The following PIAS1 variants were observed in gnomAD, a reference collection of about 807,000 sequenced individuals.
PIAS1 encodes protein inhibitor of activated STAT 1.
A neutral mutation model predicts 71.3 loss-of-function variants in PIAS1; 6 were observed. That is an observed-to-expected ratio of 0.08 (90% CI 0.05 to 0.17). The LOEUF is 0.17. Ranked by LOEUF, PIAS1 falls within the 10% of genes least tolerant of loss-of-function variation. PIAS1 has a pLI of 1.00. For missense variants in PIAS1, 555 were observed against 793.6 expected (o/e 0.70, Z 3.61); for synonymous variants, 303 against 292.9 (o/e 1.03, Z -0.35).
In PIAS1 at chr15:68,086,211, TAA is replaced by T; in HGVS notation, c.25-93_25-92del. On this transcript the variant is annotated intron_variant, in intron 1 of 13. Coordinates refer to ENST00000249636, the MANE Select transcript of PIAS1 (RefSeq NM_016166.3). This position sits in a 1 kb window ranked among gnomAD's most constrained non-coding sequence, Gnocchi z 7.2. Reference sequence around the variant, plus strand: ...GTGAGCTGGCCTTTATTTGCTTAAGTAAACCATAAGAAGGGGGTTATAATAAA... The same window carrying T: ...GTGAGCTGGCCTTTATTTGCTTAAGTACCATAAGAAGGGGGTTATAATAAA... 4.7e-6 allele frequency: 4 copies of T among 844,108 alleles called. No homozygotes were observed. In the South Asian group the frequency reaches 5.9e-5, roughly 12 times the overall value. 52.3% of individuals were successfully genotyped at this position (844,108 alleles called of 1,614,324 possible).
intron 2 of PIAS1, among the ~76,000 whole-genome samples, chr15:68,133,435 T>A (rs1339554913): frequency 6.6e-6 from 1 of 151,512 alleles, no homozygotes; most frequent in Non-Finnish European, 1.5e-5. Context: ...CTAGATGAAT[T>A]AAAAAAAATG....
Position 68,066,954 on chromosome 15 carries a change from T to TC in PIAS1, c.24+12607dup, listed in dbSNP as rs35108905. ...GAGTAGGTCTGGTCTGTCCATTTTT[T>TC]CCCGAGAGGAATTCTATAATCTCTT... On this transcript the variant is annotated intron_variant, in intron 1 of 13. Transcript: ENST00000249636. 3.0e-4 allele frequency among the ~76,000 whole-genome samples: 45 copies of TC among 152,334 alleles called. 1 individual carries two copies. The South Asian group carries it at 8.7e-3, about 29-fold the overall frequency.
Position 68,181,262 on chromosome 15 carries a change from T to C in PIAS1, c.1532T>C (p.Leu511Pro), listed in dbSNP as rs781484386. ...TCTCCAGTATCCCGCACCCCAAGCC[T>C]TCCTGCTGTAGACACAAGCTACATT... ...QASPVSRTPS[L>P]PAVDTSYINT... is the part of the protein sequence containing the mutation. The change falls in exon 12 of 14, where the codon CTT becomes CCT. Residue 511 changes from leucine (L) to proline (P), a missense_variant. Coordinates refer to ENST00000249636, the MANE Select transcript of PIAS1 (RefSeq NM_016166.3). 6.2e-7 allele frequency: 1 copy of C among 1,613,632 alleles called. No individual in the cohort carries two copies. The highest frequency in any genetic ancestry group is 1.1e-5 in the South Asian group (1 of 91,048).
intron 2 of PIAS1, among the ~76,000 whole-genome samples, chr15:68,140,657 TTAA>T (rs1477397816): frequency 1.3e-5 from 2 of 152,234 alleles, no homozygotes; most frequent in African/African-American, 2.4e-5. Context: ...TTTCTTTCTC[TTAA>T]TGATACGTTT....
intron 11 of PIAS1, among the ~76,000 whole-genome samples, chr15:68,180,618 A>G (rs1023540007): frequency 7.9e-5 from 12 of 151,594 alleles, no homozygotes; most frequent in Non-Finnish European, 1.3e-4. Context: ...GTTTCACTAC[A>G]TTAGATTCAG....
rs1458952972 is a variant in PIAS1 at position 68,054,972 on chromosome 15, A to G, written c.24+622A>G. The G allele has an allele frequency of 6.6e-6, 1 of 152,176 alleles. No homozygotes were observed. The highest frequency in any genetic ancestry group is 1.5e-5 in the Non-Finnish European group (1 of 68,188). The allele number at this position is 152,176 out of a possible 1,614,324, so 9.4% of individuals were successfully genotyped here. A position where few individuals can be genotyped will look rare whatever the true frequency, so the allele number is the denominator to read the frequency against. On this transcript the variant is annotated intron_variant, in intron 1 of 13. Transcript: ENST00000249636. This position sits in a 1 kb window ranked among gnomAD's most constrained non-coding sequence, Gnocchi z 4.6. ...GCGATAGGGTGGGGATCTGGGGGAG[A>G]AGCTCTGGTAAAGTTTAGCGAGCCC...
intron 1 of PIAS1, among the ~76,000 whole-genome samples, chr15:68,083,960 C>T (rs896450412): frequency 1.3e-5 from 2 of 152,096 alleles, no homozygotes; most frequent in South Asian, 4.1e-4. Context: ...GCTGCTGCTA[C>T]TCTTTGTTTC....
At chr15:68,130,767 T>C (rs1363085696) in intron 2 of PIAS1, among the ~76,000 whole-genome samples, 2 of 151,842 alleles carry the variant, frequency 1.3e-5, no homozygotes, top group Non-Finnish European at 2.9e-5. Context: ...ATTGGAGGAA[T>C]AATAAGATTT....
intron 2 of PIAS1, among the ~76,000 whole-genome samples, chr15:68,098,819 A>G (rs1484958259): frequency 1.3e-5 from 2 of 152,154 alleles, no homozygotes; most frequent in Non-Finnish European, 2.9e-5. Context: ...TTGCTGTTGA[A>G]AACATTGCTG....
intron 2 of PIAS1, among the ~76,000 whole-genome samples, chr15:68,095,206 C>G (rs1403583449): frequency 6.6e-6 from 1 of 151,950 alleles, no homozygotes; most frequent in Non-Finnish European, 1.5e-5. Flanking sequence ...CATTTAAGAT[C>G]TTACTGGGAT....
intron 1 of PIAS1, among the ~76,000 whole-genome samples, chr15:68,076,082 C>T (rs1273734775): frequency 6.6e-6 from 1 of 152,110 alleles, no homozygotes; most frequent in African/African-American, 2.4e-5. Flanking sequence ...CCGCTCCTGG[C>T]CACCTAGGGC....
intron 7 of PIAS1, among the ~76,000 whole-genome samples, chr15:68,160,318 T>C (rs189678450): frequency 7.9e-4 from 120 of 152,284 alleles, no homozygotes; most frequent in African/African-American, 2.8e-3. Context: ...ATTCATTTTT[T>C]CCCCCACATA....
chr15:68,112,377 C>T (rs1448685235), intron 2 of PIAS1, among the ~76,000 whole-genome samples: 1 of 152,126 alleles, frequency 6.6e-6, no homozygotes, highest in Non-Finnish European at 1.5e-5. Context: ...CCACAAATTC[C>T]TTTCCAGAGA....
intron 1 of PIAS1, among the ~76,000 whole-genome samples, chr15:68,056,610 A>T (rs953371932): frequency 6.6e-6 from 1 of 151,726 alleles, no homozygotes; most frequent in Non-Finnish European, 1.5e-5. Context: ...TGTGTCTGAG[A>T]CTTTGAGGAG....
At chr15:68,150,625 A>G (rs544804207) in intron 6 of PIAS1, among the ~76,000 whole-genome samples, 1 of 152,292 alleles carries the variant, frequency 6.6e-6, no homozygotes, top group East Asian at 1.9e-4. Flanking sequence ...AGTGAGTTAT[A>G]TTGTAACTTC....
chr15:68,088,176 G>GTGTGTA (rs150997979), intron 2 of PIAS1, among the ~76,000 whole-genome samples: 1 of 73,008 alleles, frequency 1.4e-5, no homozygotes, highest in Non-Finnish European at 2.5e-5. Context: ...TTATGTGTGT[G>GTGTGTA]TATATATATA....
chr15:68,174,015 A>G lies in PIAS1; in HGVS notation c.1169+123A>G, dbSNP rs1268371916. On this transcript the variant is annotated intron_variant, in intron 9 of 13. Transcript: ENST00000249636. This position sits in a 1 kb window ranked among gnomAD's most constrained non-coding sequence, Gnocchi z 4.0. ...TTGTAGGATTTTTGTGAGTCTGCAAACCAATATTTTCAAAGTAATTTATTT... is the reference window on the plus strand; with the variant it reads ...TTGTAGGATTTTTGTGAGTCTGCAAGCCAATATTTTCAAAGTAATTTATTT... The G allele has an allele frequency of 2.0e-6, 1 of 501,204 alleles. No homozygotes were observed. The highest frequency in any genetic ancestry group is 3.3e-6 in the Non-Finnish European group (1 of 305,804). 31.0% of individuals were successfully genotyped at this position (501,204 alleles called of 1,614,324 possible). A position where few individuals can be genotyped will look rare whatever the true frequency, so the allele number is the denominator to read the frequency against.
chr15:68,148,689 A>G (rs1333504157), intron 6 of PIAS1, among the ~76,000 whole-genome samples: 1 of 152,144 alleles, frequency 6.6e-6, no homozygotes. Context: ...GGCCTCCCCA[A>G]GTGTGGGATT....
chr15:68,155,459 A>AC (rs2092881765), intron 7 of PIAS1, among the ~76,000 whole-genome samples: 1 of 151,142 alleles, frequency 6.6e-6, no homozygotes, highest in South Asian at 2.1e-4. Flanking sequence ...TAAAAAAAAA[A>AC]AAAAAAAAAA....
Sources: allele counts gnomAD v4.1 joint callset (sites outside exome capture counted in the v4.1 genomes callset), GRCh38; gene constraint gnomAD v4.1.1; non-coding constraint Gnocchi (gnomAD v3.1); transcripts MANE v1.5; gene names NCBI Gene and HGNC (gene_info 2026-07-23, HGNC 2026-07-21).